ZBTB45: variants seen among roughly 807,000 people sequenced by gnomAD.
ZBTB45 encodes the protein zinc finger and BTB domain-containing protein 45.
In ZBTB45, 22 loss-of-function variants were observed where a neutral mutation model predicts 28.4. The observed-to-expected ratio is 0.77, with a 90% CI of 0.55 to 1.10. The LOEUF is 1.10. Among genes scored for constraint, ZBTB45 ranks in the 50% least tolerant of loss-of-function variants. ZBTB45 has a pLI of 0.00. For missense variants in ZBTB45, 656 were observed against 750.2 expected, an observed-to-expected ratio of 0.87 and a Z score of 1.47; for synonymous variants, 361 against 332.3, an observed-to-expected ratio of 1.09 and a Z score of -0.94.
At chr19:58,536,709 G>A (rs1256818619) in intron 1 of ZBTB45, among the ~76,000 whole-genome samples, 1 of 152,280 alleles carries the variant, frequency 6.6e-6, no homozygotes, top group East Asian at 1.9e-4. Flanking sequence ...TCAGAAAGTG[G>A]CTTTGGGGGT....
chr19:58,529,322 T>A (rs1028082220), intron 1 of ZBTB45, among the ~76,000 whole-genome samples: 1 of 152,272 alleles, frequency 6.6e-6, no homozygotes, highest in African/African-American at 2.4e-5. Context: ...GTACCCGTAG[T>A]CCCAGCTATG....
rs533472618 is a variant in ZBTB45, at chr19:58,516,250, A to T, written c.1279+145T>A. On this transcript the variant is annotated intron_variant, in intron 2 of 2. Transcript: ENST00000594051. This position sits in a 1 kb window ranked among gnomAD's most constrained non-coding sequence, Gnocchi z 6.2. ...CTTTCCCCTCCCCCACATACCTTGC[A>T]CTTGGGGGAAGGCTCAATTTCTAGG... 2 of 1,051,322 alleles carry T rather than the reference A, an allele frequency of 1.9e-6. No homozygotes were observed. The highest frequency in any genetic ancestry group is 3.2e-5 in the African/African-American group (2 of 62,928). The allele number at this position is 1,051,322 out of a possible 1,614,324, so 65.1% of individuals were successfully genotyped here. A position where few individuals can be genotyped will look rare whatever the true frequency, so the allele number is the denominator to read the frequency against.
At chr19:58,514,521 C>T (rs2053465066) in intron 2 of ZBTB45, among the ~76,000 whole-genome samples, 1 of 152,106 alleles carries the variant, frequency 6.6e-6, no homozygotes, top group East Asian at 1.9e-4. Flanking sequence ...TCCAGGACCT[C>T]CCTTCACGTT....
chr19:58,517,753 T>G, intron 1 of ZBTB45, 80 bp from the exon 2 acceptor site: 1 of 1,374,082 alleles, frequency 7.3e-7, no homozygotes, highest in Admixed American at 2.1e-5. Context: ...CCTCACCCCT[T>G]GTTGCAGGAC....
In ZBTB45 at chr19:58,513,807, C is replaced by T; in HGVS notation, c.*247G>A. 1 of 426,714 alleles carries T rather than the reference C, an allele frequency of 2.3e-6. No individual in the cohort carries two copies. The highest frequency in any genetic ancestry group is 4.0e-6 in the Non-Finnish European group (1 of 251,630). The allele number at this position is 426,714 out of a possible 1,614,324, so 26.4% of individuals were successfully genotyped here. A position where few individuals can be genotyped will look rare whatever the true frequency, so the allele number is the denominator to read the frequency against. On this transcript the variant is annotated 3_prime_UTR_variant, in exon 3 of 3. Transcript: ENST00000594051. ...GCGCCCGGTTTACGCAGGAAATAGT[C>T]CAGTTCTCAGAAGTGGTCTAACCAG...
intron 1 of ZBTB45, among the ~76,000 whole-genome samples, chr19:58,527,641 T>A (rs1443723115): frequency 6.6e-6 from 1 of 152,196 alleles, no homozygotes; most frequent in Non-Finnish European, 1.5e-5. Flanking sequence ...GCTTCCCTAC[T>A]AAGGTGGGCA....
upstream of ZBTB45, among the ~76,000 whole-genome samples, chr19:58,524,385 T>G (rs1397888995): frequency 7.0e-6 from 1 of 143,148 alleles, no homozygotes; most frequent in Admixed American, 7.2e-5. Flanking sequence ...ATAATAATAA[T>G]AAAAAGAATG....
intron 1 of ZBTB45, among the ~76,000 whole-genome samples, chr19:58,518,398 C>T (rs1407572354): frequency 6.6e-6 from 1 of 152,076 alleles, no homozygotes; most frequent in Admixed American, 6.5e-5. Context: ...GGGAGATGCC[C>T]CAGGGAAACC....
At chr19:58,536,465 CA>C (rs768760907) in intron 1 of ZBTB45, among the ~76,000 whole-genome samples, 3,635 of 76,126 alleles carry the variant, frequency 0.048, 162 homozygotes, top group African/African-American at 0.16. Flanking sequence ...GACGCCGTCT[CA>C]AAAAAAAAAA....
rs1157058387 is a variant in ZBTB45, at chr19:58,516,956, A to G, written c.718T>C (p.Cys240Arg). The G allele has an allele frequency of 3.7e-6, 6 of 1,613,160 alleles. No homozygotes were observed. Among genetic ancestry groups the G allele is most frequent in the Non-Finnish European group, 5.1e-6 (6 of 1,180,020 alleles). ...GCAGCAGTGAGGAAGCCAGCAGCAC[A>G]GTCTGGGAAGGAAGGAGGTGCCTGG... ...EGQAPPSFPD[C>R]AAGFLTAAAD... Residue 240 changes from cysteine to arginine, a missense_variant, in exon 2 of 3, where the codon TGT becomes CGT. This residue lies in a region of ZBTB45 where 448 missense variants were observed against 444.3 expected (regional missense o/e 1.01). Transcript: ENST00000594051. The surrounding 1 kb of genome is among the most constrained non-coding windows in gnomAD (Gnocchi z 6.2).
chr19:58,534,675 G>A (rs1407263782), intron 1 of ZBTB45, among the ~76,000 whole-genome samples: 1 of 150,852 alleles, frequency 6.6e-6, no homozygotes, highest in African/African-American at 2.4e-5. Context: ...TCCTGCCTCA[G>A]CCTCCCGAGT....
intron 1 of ZBTB45, among the ~76,000 whole-genome samples, chr19:58,535,608 T>A (rs900747730): frequency 2.0e-5 from 3 of 152,144 alleles, no homozygotes; most frequent in African/African-American, 4.8e-5. Flanking sequence ...GCTCAAGCTA[T>A]CCTCCTGCCT....
chr19:58,516,878 T>C lies in ZBTB45; in HGVS notation c.796A>G (p.Ser266Gly). The C allele has an allele frequency of 6.2e-7, 1 of 1,613,318 alleles. No individual in the cohort carries two copies. Among genetic ancestry groups the C allele is most frequent in the Non-Finnish European group, 8.5e-7 (1 of 1,180,002 alleles). Residue 266 changes from serine to glycine, a missense_variant, in exon 2 of 3, where the codon AGT becomes GGT. This residue lies in a region of ZBTB45 where 448 missense variants were observed against 444.3 expected (regional missense o/e 1.01). Transcript: ENST00000594051. This position sits in a 1 kb window ranked among gnomAD's most constrained non-coding sequence, Gnocchi z 6.2. ...PPAPTGLADY[S>G]GAGRDFLRGA... ...CGAAGAAAATCTCTCCCGGCACCAC[T>C]GTAGTCAGCGAGGCCAGTGGGTGCA... is the stretch of plus-strand genomic sequence containing the variant.
chr19:58,534,341 C>T (rs2053649435), intron 1 of ZBTB45, among the ~76,000 whole-genome samples: 1 of 152,066 alleles, frequency 6.6e-6, no homozygotes, highest in African/African-American at 2.4e-5. Context: ...ACTGAATGTA[C>T]ACTTTTAAAC....
At chr19:58,525,549 G>T (rs1241496742) in intron 1 of ZBTB45, among the ~76,000 whole-genome samples, 2 of 152,162 alleles carry the variant, frequency 1.3e-5, no homozygotes, top group Admixed American at 1.3e-4. Context: ...GTCCTCTGAG[G>T]CTGCAGCTTA....
intron 1 of ZBTB45, among the ~76,000 whole-genome samples, chr19:58,526,311 G>C (rs1037179739): frequency 1.3e-5 from 2 of 152,006 alleles, no homozygotes; most frequent in African/African-American, 2.4e-5. Context: ...CCGGGTTCAA[G>C]TGATTCTCCT....
At position 58,516,710 on chromosome 19, in the gene ZBTB45, C is replaced by T. The variant is rs775243581; in HGVS notation, c.964G>A (p.Val322Met). The T allele has an allele frequency of 2.5e-6, 4 of 1,596,342 alleles. No individual in the cohort carries two copies. In the South Asian group the frequency reaches 4.5e-5, roughly 18 times the overall value. The part of the protein sequence containing the change: ...CILSGSRPPG[V>M]KTPGPPVALF... ...GCAACGGGCGGCCCTGGGGTCTTCA[C>T]ACCAGGCGGGCGGGATCCAGACAGT... is the stretch of plus-strand genomic sequence containing the variant. Residue 322 changes from valine to methionine, a missense_variant, in exon 2 of 3, where the codon GTG becomes ATG. Physicochemically the swap from Val to Met is conservative, Grantham distance 21. Coordinates refer to ENST00000594051, the MANE Select transcript of ZBTB45 (RefSeq NM_001316979.2). The surrounding 1 kb of genome is among the most constrained non-coding windows in gnomAD (Gnocchi z 6.2).
Position 58,513,940 on chromosome 19 carries a change from T to C in ZBTB45, c.*114A>G. On this transcript the variant is annotated 3_prime_UTR_variant, in exon 3 of 3. Transcript: ENST00000594051. ...AAAGGGTGAAGGGAGAGAGAGGACC[T>C]GCGCTCAGGAGGGAGCGTGGTCTAG... 8.0e-7 allele frequency: 1 copy of C among 1,255,350 alleles called. No individual in the cohort carries two copies. Among genetic ancestry groups the C allele is most frequent in the South Asian group, 2.0e-5 (1 of 50,670 alleles). 77.8% of individuals were successfully genotyped at this position (1,255,350 alleles called of 1,614,324 possible).
chr19:58,522,821 TG>T (rs753089597), upstream of ZBTB45, among the ~76,000 whole-genome samples: 16 of 152,018 alleles, frequency 1.1e-4, no homozygotes, highest in Non-Finnish European at 2.2e-4. Context: ...GGCCCTCCCT[TG>T]GGCAAGACAA....
Sources: allele counts gnomAD v4.1 joint callset (sites outside exome capture counted in the v4.1 genomes callset), GRCh38; gene constraint gnomAD v4.1.1; regional missense constraint gnomAD v4.1.1; non-coding constraint Gnocchi (gnomAD v3.1); transcripts MANE v1.5; gene names NCBI Gene and HGNC (gene_info 2026-07-23, HGNC 2026-07-21).